Variants in GBE1 observed in about 807,000 individuals in gnomAD.
GBE1 encodes the protein 1,4-alpha-glucan branching enzyme 1.
GBE1 carries 70 observed loss-of-function variants against 88.8 expected under a neutral mutation model. That is an observed-to-expected ratio of 0.79 (90% CI 0.65 to 0.96). The LOEUF (loss-of-function observed/expected upper bound fraction) is 0.96. Among genes scored for constraint, GBE1 ranks in the 40% least tolerant of loss-of-function variants. The pLI, the probability that GBE1 is intolerant of heterozygous loss-of-function variation, is 0.00. For missense variants in GBE1, 872 were observed against 871.0 expected, an observed-to-expected ratio of 1.00 and a Z score of -0.01; for synonymous variants, 284 against 300.1, an observed-to-expected ratio of 0.95 and a Z score of 0.56.
At chr3:81,656,806 A>G (rs1704945365) in intron 3 of GBE1, among the ~76,000 whole-genome samples, 1 of 152,164 alleles carries the variant, frequency 6.6e-6, no homozygotes, top group South Asian at 2.1e-4. Flanking sequence ...CAGGTAAAGC[A>G]AACTCCTTCA....
At chr3:81,640,680 T>C (rs1230907108) in intron 7 of GBE1, among the ~76,000 whole-genome samples, 1 of 151,816 alleles carries the variant, frequency 6.6e-6, no homozygotes, top group Non-Finnish European at 1.5e-5. Context: ...AATACATTAA[T>C]AGTATAAACC....
chr3:81,728,350 T>A (rs979478308), intron 1 of GBE1, among the ~76,000 whole-genome samples: 1 of 152,152 alleles, frequency 6.6e-6, no homozygotes, highest in Non-Finnish European at 1.5e-5. Flanking sequence ...GGAGGAACTA[T>A]AATAATGCAA....
intron 1 of GBE1, among the ~76,000 whole-genome samples, chr3:81,759,774 A>G (rs896646959): frequency 7.9e-5 from 12 of 152,210 alleles, no homozygotes; most frequent in African/African-American, 2.9e-4. Flanking sequence ...AAATGCTTCA[A>G]TCCCAGTGGA....
chr3:81,634,274 G>A (rs868671467), intron 7 of GBE1, among the ~76,000 whole-genome samples: 15 of 152,224 alleles, frequency 9.9e-5, no homozygotes, highest in South Asian at 6.2e-4. Flanking sequence ...CTGAACCACC[G>A]CCCTATGGCA....
chr3:81,659,169 AT>A (rs1284456208), intron 3 of GBE1, among the ~76,000 whole-genome samples: 1 of 152,146 alleles, frequency 6.6e-6, no homozygotes, highest in Non-Finnish European at 1.5e-5. Context: ...ATAAAAAAAA[AT>A]CTAAGAAGTA....
At chr3:81,685,730 G>T (rs1287107006) in intron 2 of GBE1, among the ~76,000 whole-genome samples, 8 of 151,702 alleles carry the variant, frequency 5.3e-5, no homozygotes, top group Non-Finnish European at 1.2e-4. Context: ...CTAATGTTCT[G>T]ATGTTTTCAA....
chr3:81,555,308 A>C (rs2106901197), intron 12 of GBE1, among the ~76,000 whole-genome samples: 1 of 152,304 alleles, frequency 6.6e-6, no homozygotes, highest in Non-Finnish European at 1.5e-5. Context: ...ATGGCGCTTA[A>C]ACACAAATCT....
At chr3:81,709,072 A>T (rs2107173327) in intron 1 of GBE1, among the ~76,000 whole-genome samples, 1 of 152,346 alleles carries the variant, frequency 6.6e-6, no homozygotes, top group Admixed American at 6.5e-5. Context: ...TACAAGCCTC[A>T]TCTAAAAGCA....
chr3:81,668,517 C>T (rs975730656), intron 3 of GBE1, among the ~76,000 whole-genome samples: 5 of 152,174 alleles, frequency 3.3e-5, no homozygotes, highest in African/African-American at 1.2e-4. Flanking sequence ...AATTAGTTAG[C>T]TGTCAATGGG....
At chr3:81,634,538 A>G (rs180848370) in intron 7 of GBE1, among the ~76,000 whole-genome samples, 20 of 152,316 alleles carry the variant, frequency 1.3e-4, no homozygotes, top group African/African-American at 4.6e-4. Flanking sequence ...ACAGGAATCT[A>G]TCACATCACT....
chr3:81,562,852 T>C (rs1336892508), intron 12 of GBE1, among the ~76,000 whole-genome samples: 2 of 151,818 alleles, frequency 1.3e-5, no homozygotes, highest in African/African-American at 2.4e-5. Flanking sequence ...ACGGTATGTA[T>C]AGGTCACTTT....
intron 1 of GBE1, among the ~76,000 whole-genome samples, chr3:81,746,241 T>G (rs1706418863): frequency 6.6e-6 from 1 of 152,052 alleles, no homozygotes; most frequent in Non-Finnish European, 1.5e-5. Flanking sequence ...AATGAGAGGG[T>G]TCTGAGACTA....
rs188028502 is a variant in GBE1, at chr3:81,667,326, C to A, written c.429+3512G>T. Among the ~76,000 whole-genome samples, 41 of 152,262 alleles carry A rather than the reference C, an allele frequency of 2.7e-4. No homozygotes were observed. In the East Asian group the frequency reaches 6.4e-3, roughly 24 times the overall value. ...CTGAGACTCCACTGAAGTTGCTTATCAGCTAAAGGAGTTTTGGGGCTGAGA... is the reference window on the plus strand; with the variant it reads ...CTGAGACTCCACTGAAGTTGCTTATAAGCTAAAGGAGTTTTGGGGCTGAGA... On this transcript the variant is annotated intron_variant, in intron 3 of 15. Transcript: ENST00000429644.
intron 1 of GBE1, among the ~76,000 whole-genome samples, chr3:81,746,502 C>T (rs1376457921): frequency 6.6e-6 from 1 of 152,074 alleles, no homozygotes; most frequent in African/African-American, 2.4e-5. Flanking sequence ...CTCATTCAGT[C>T]CAACCACCTC....
intron 12 of GBE1, among the ~76,000 whole-genome samples, chr3:81,551,245 C>T (rs1181304390): frequency 9.2e-5 from 14 of 152,224 alleles, no homozygotes; most frequent in Non-Finnish European, 1.8e-4. Flanking sequence ...ACATCAGCAT[C>T]ATCCCTGTTC....
intron 14 of GBE1, among the ~76,000 whole-genome samples, chr3:81,527,367 A>G (rs1458141731): frequency 2.6e-5 from 4 of 151,740 alleles, no homozygotes; most frequent in East Asian, 3.9e-4. Context: ...AAAATTGACA[A>G]ATGGGATCTA....
chr3:81,629,325 A>G (rs1704471698), intron 7 of GBE1, among the ~76,000 whole-genome samples: 1 of 151,068 alleles, frequency 6.6e-6, no homozygotes, highest in Non-Finnish European at 1.5e-5. Context: ...GATGGTTTCC[A>G]ATTTCATCCA....
chr3:81,592,429 A>G (rs895818548), intron 8 of GBE1, among the ~76,000 whole-genome samples: 28 of 152,072 alleles, frequency 1.8e-4, no homozygotes, highest in Admixed American at 1.8e-3. Flanking sequence ...CATGCAAGTA[A>G]ATTGCAGGTA....
chr3:81,555,872 C>T (rs1243469500), intron 12 of GBE1, among the ~76,000 whole-genome samples: 2 of 152,114 alleles, frequency 1.3e-5, no homozygotes, highest in Admixed American at 1.3e-4. Context: ...CATTTCCTAA[C>T]GTCCCTTTAT....
Sources: gnomAD v4.1 joint callset for allele counts (sites outside exome capture counted in the v4.1 genomes callset) on GRCh38, gnomAD v4.1.1 for gene constraint, MANE v1.5 for transcripts, NCBI Gene and HGNC (gene_info 2026-07-23, HGNC 2026-07-21) for gene names.